CEP112: variants seen among roughly 807,000 people sequenced by gnomAD.
The protein encoded by CEP112 is centrosomal protein of 112 kDa.
In CEP112, 127 loss-of-function variants were observed where a neutral mutation model predicts 153.0. The ratio of observed to expected loss-of-function variants is 0.83; its 90% CI spans 0.72 to 0.96. The LOEUF (loss-of-function observed/expected upper bound fraction) is 0.96, where lower values mean the gene tolerates loss of function less well. Ranked by LOEUF, CEP112 falls within the 40% of genes least tolerant of loss-of-function variation. CEP112 has a pLI of 0.00. For missense variants in CEP112, 1,089 were observed against 1,101.2 expected (o/e 0.99, Z 0.16); for synonymous variants, 358 against 374.4 (o/e 0.96, Z 0.51).
chr17:65,709,021 G>C (rs141722015), intron 23 of CEP112, among the ~76,000 whole-genome samples: 53 of 151,984 alleles, frequency 3.5e-4, no homozygotes, highest in African/African-American at 1.3e-3. Context: ...CTATTTCCCC[G>C]GCTTCAGCTC....
At chr17:65,708,844 A>G (rs2049036429) in intron 23 of CEP112, among the ~76,000 whole-genome samples, 1 of 152,108 alleles carries the variant, frequency 6.6e-6, no homozygotes, top group African/African-American at 2.4e-5. Flanking sequence ...TTTGTCTTTG[A>G]CCCAGGGACT....
At chr17:65,970,912 G>A (rs964694312) in intron 17 of CEP112, among the ~76,000 whole-genome samples, 5 of 79,164 alleles carry the variant, frequency 6.3e-5, no homozygotes, top group Middle Eastern at 6.9e-3. Flanking sequence ...TTGCATGTAT[G>A]TTGCATGTAT....
chr17:65,866,365 C>T (rs1021861939), intron 20 of CEP112, among the ~76,000 whole-genome samples: 4 of 152,350 alleles, frequency 2.6e-5, no homozygotes, highest in Admixed American at 6.5e-5. Flanking sequence ...GAGGCCAAGG[C>T]GGGGCTGAGG....
intron 19 of CEP112, among the ~76,000 whole-genome samples, chr17:65,927,130 A>G (rs2060955193): frequency 1.3e-5 from 2 of 152,054 alleles, no homozygotes. Flanking sequence ...TTAAAAGTGT[A>G]CGGCACCTCC....
intron 23 of CEP112, among the ~76,000 whole-genome samples, chr17:65,738,698 G>C (rs958918307): frequency 4.6e-5 from 7 of 152,130 alleles, no homozygotes; most frequent in African/African-American, 1.7e-4. Context: ...AAAAACAAGA[G>C]AATAGATTTT....
At chr17:65,662,662 G>A (rs1204453188) in intron 24 of CEP112, among the ~76,000 whole-genome samples, 1 of 152,130 alleles carries the variant, frequency 6.6e-6, no homozygotes, top group Non-Finnish European at 1.5e-5. Context: ...GAGGGCCGCA[G>A]TATCCTCATT....
At chr17:65,980,236 A>C (rs1021693574) in intron 17 of CEP112, among the ~76,000 whole-genome samples, 17 of 152,218 alleles carry the variant, frequency 1.1e-4, no homozygotes, top group Non-Finnish European at 2.2e-4. Context: ...AAAATGAATA[A>C]ATTTTATATC....
chr17:65,928,803 G>A (rs1177095652), intron 18 of CEP112, among the ~76,000 whole-genome samples: 1 of 152,172 alleles, frequency 6.6e-6, no homozygotes. Context: ...GGTTGTAGCT[G>A]CAGTGAGCCA....
At chr17:65,717,168 T>A (rs539974322) in intron 23 of CEP112, among the ~76,000 whole-genome samples, 3 of 152,354 alleles carry the variant, frequency 2.0e-5, no homozygotes, top group Non-Finnish European at 4.4e-5. Flanking sequence ...CTCAGCTAAA[T>A]AAATCTGTAT....
At chr17:66,096,783 T>A (rs2068365714) in intron 6 of CEP112, 151 bp from the exon 7 acceptor site, 1 of 596,120 alleles carries the variant, frequency 1.7e-6, no homozygotes, top group South Asian at 2.4e-5. Flanking sequence ...GTATGATATA[T>A]TTTTAGCGGC....
At chr17:66,104,789 G>A (rs762350032) in intron 6 of CEP112, among the ~76,000 whole-genome samples, 2 of 152,118 alleles carry the variant, frequency 1.3e-5, no homozygotes, top group African/African-American at 2.4e-5. Flanking sequence ...AAGTGCTGAG[G>A]AAGAAATGCT....
intron 19 of CEP112, among the ~76,000 whole-genome samples, chr17:65,917,552 C>T (rs892156379): frequency 6.6e-6 from 1 of 152,182 alleles, no homozygotes; most frequent in African/African-American, 2.4e-5. Context: ...ACAATTCCCA[C>T]TTTTATTTGC....
intron 6 of CEP112, among the ~76,000 whole-genome samples, chr17:66,111,978 T>A (rs557732540): frequency 6.6e-6 from 1 of 152,140 alleles, no homozygotes; most frequent in Non-Finnish European, 1.5e-5. Context: ...CTCCAAAATG[T>A]GTAAACAAGG....
intron 6 of CEP112, among the ~76,000 whole-genome samples, chr17:66,101,756 T>C (rs1296596270): frequency 6.6e-6 from 1 of 152,092 alleles, no homozygotes; most frequent in Non-Finnish European, 1.5e-5. Flanking sequence ...GATTACTGTA[T>C]AGTTTAAATA....
At chr17:66,120,156 T>G (rs1376397137) in intron 6 of CEP112, among the ~76,000 whole-genome samples, 1 of 152,172 alleles carries the variant, frequency 6.6e-6, no homozygotes, top group Non-Finnish European at 1.5e-5. Context: ...TTTAATTAAA[T>G]TTGTCAGTGA....
intron 12 of CEP112, 23 bp downstream of exon 12, chr17:66,053,713 C>A (rs370783569): frequency 5.0e-6 from 8 of 1,599,402 alleles, no homozygotes; most frequent in Non-Finnish European, 6.8e-6. Flanking sequence ...TCTAAGATGT[C>A]AAGAACAGGT....
At chr17:65,936,961 G>A (rs1020047990) in intron 18 of CEP112, among the ~76,000 whole-genome samples, 17 of 151,044 alleles carry the variant, frequency 1.1e-4, no homozygotes, top group Non-Finnish European at 2.4e-4. Flanking sequence ...GATTGCAGGC[G>A]CACGTCACCA....
intron 5 of CEP112, among the ~76,000 whole-genome samples, chr17:66,132,347 C>T (rs1440043046): frequency 1.3e-5 from 2 of 152,000 alleles, no homozygotes; most frequent in Admixed American, 1.3e-4. Context: ...AAGTTAATTC[C>T]AGCTTCTTCT....
chr17:65,864,606 G>C (rs2058421076), intron 20 of CEP112, among the ~76,000 whole-genome samples: 1 of 152,198 alleles, frequency 6.6e-6, no homozygotes, highest in Admixed American at 6.5e-5. Context: ...TCAGGCTTCT[G>C]AGAGCACGAT....
Sources: allele counts gnomAD v4.1 joint callset (sites outside exome capture counted in the v4.1 genomes callset), GRCh38; gene constraint gnomAD v4.1.1; transcripts MANE v1.5; gene names NCBI Gene and HGNC (gene_info 2026-07-23, HGNC 2026-07-21).